The following PRELID2 variants were observed in gnomAD, a reference collection of about 807,000 sequenced individuals.
PRELID2 encodes PRELI domain containing 2.
In PRELID2, 25 loss-of-function variants were observed where a neutral mutation model predicts 28.4. That is an observed-to-expected ratio of 0.88 (90% CI 0.64 to 1.23). The LOEUF is 1.23. Ranked by LOEUF, PRELID2 falls within the 50% of genes most tolerant of loss-of-function variation. PRELID2 has a pLI of 0.00. For missense variants in PRELID2, 201 were observed against 214.4 expected (o/e 0.94, Z 0.39); for synonymous variants, 76 against 71.6 (o/e 1.06, Z -0.31).
chr5:145,280,522 G>A, the PRELID2 span, among the ~76,000 whole-genome samples: 1 of 151,962 alleles, frequency 6.6e-6, no homozygotes, highest in African/African-American at 2.4e-5. Flanking sequence ...TGAAATGTTT[G>A]GATAGCTTTA....
chr5:145,658,105 T>G (rs1380474442), intron 1 of PRELID2, among the ~76,000 whole-genome samples: 1 of 152,190 alleles, frequency 6.6e-6, no homozygotes, highest in Non-Finnish European at 1.5e-5. Flanking sequence ...GCTACAATAG[T>G]GAACAAGACA....
the PRELID2 span, among the ~76,000 whole-genome samples, chr5:145,331,652 C>G: frequency 1.3e-5 from 2 of 151,632 alleles, no homozygotes; most frequent in East Asian, 1.9e-4. Flanking sequence ...TTTTTTTGAG[C>G]CTATGTGTGT....
At chr5:145,247,326 C>G in the PRELID2 span, among the ~76,000 whole-genome samples, 1 of 152,012 alleles carries the variant, frequency 6.6e-6, no homozygotes, top group Non-Finnish European at 1.5e-5. Context: ...AAACTCCGGT[C>G]TCCCACACAG....
At chr5:145,537,554 T>C (rs77444835) in intron 1 of PRELID2, among the ~76,000 whole-genome samples, 2,368 of 152,052 alleles carry the variant, frequency 0.016, 62 homozygotes, top group African/African-American at 0.048. Context: ...CTGACTTACA[T>C]TTCCCTGATG....
chr5:145,825,673 A>G (rs548567215), intron 1 of PRELID2, among the ~76,000 whole-genome samples: 1 of 152,330 alleles, frequency 6.6e-6, no homozygotes, highest in South Asian at 2.1e-4. Flanking sequence ...AAATTCTTAA[A>G]CATTATAAAC....
intron 1 of PRELID2, among the ~76,000 whole-genome samples, chr5:145,585,839 C>A (rs980099349): frequency 6.6e-6 from 1 of 152,018 alleles, no homozygotes; most frequent in African/African-American, 2.4e-5. Flanking sequence ...GCCAGAGATA[C>A]CGAAAAGCCT....
At chr5:145,341,912 C>T in the PRELID2 span, among the ~76,000 whole-genome samples, 2 of 152,042 alleles carry the variant, frequency 1.3e-5, no homozygotes, top group African/African-American at 2.4e-5. Context: ...CTCAGCAATC[C>T]CCATGCAGAT....
chr5:145,524,230 C>G (rs1294176779), intron 1 of PRELID2, among the ~76,000 whole-genome samples: 2 of 152,198 alleles, frequency 1.3e-5, no homozygotes, highest in East Asian at 3.9e-4. Context: ...GTGGCATTCA[C>G]AGGAATGGGT....
chr5:145,541,183 C>A (rs755600567), intron 1 of PRELID2, among the ~76,000 whole-genome samples: 1 of 151,900 alleles, frequency 6.6e-6, no homozygotes, highest in African/African-American at 2.4e-5. Context: ...TAGATTTCTA[C>A]GTTTTGACAG....
In PRELID2 at chr5:145,740,636, TA is replaced by T. The variant is rs541312243; in HGVS notation, n.70+24294del. 7.3e-3 allele frequency among the ~76,000 whole-genome samples: 677 copies of T among 92,718 alleles called. 9 individuals are homozygous for T. The highest frequency in any genetic ancestry group is 0.031 in the African/African-American group (629 of 20,090). 60.8% of individuals were successfully genotyped at this position (92,718 alleles called of 152,430 possible). A position where few individuals can be genotyped will look rare whatever the true frequency, so the allele number is the denominator to read the frequency against. ...TATAAATATATATATATTATATATA[TA>T]AATATATATATTTTATATATAAATA... On this transcript the variant is annotated intron_variant and non_coding_transcript_variant, in intron 1 of 2. Transcript: ENST00000510259.
chr5:145,272,346 C>G, the PRELID2 span, among the ~76,000 whole-genome samples: 8 of 152,172 alleles, frequency 5.3e-5, no homozygotes, highest in African/African-American at 1.7e-4. Context: ...CAAATATAAC[C>G]ATATGATAAG....
intron 5 of PRELID2, among the ~76,000 whole-genome samples, chr5:145,774,033 GTTTCC>G (rs1472469601): frequency 6.6e-6 from 1 of 152,162 alleles, no homozygotes; most frequent in Non-Finnish European, 1.5e-5. Context: ...CAAGTCAGGT[GTTTCC>G]TTTCAACAAA....
chr5:145,408,559 TAAC>T, the PRELID2 span, among the ~76,000 whole-genome samples: 2 of 150,174 alleles, frequency 1.3e-5, no homozygotes, highest in Non-Finnish European at 3.0e-5. Flanking sequence ...TGGAACTAAA[TAAC>T]AACTTAGAGA....
chr5:145,544,776 TA>T (rs1002083810), intron 1 of PRELID2, among the ~76,000 whole-genome samples: 11 of 152,296 alleles, frequency 7.2e-5, no homozygotes, highest in African/African-American at 2.6e-4. Flanking sequence ...TTAGAATTTT[TA>T]TCAAATCTTC....
At chr5:145,405,655 G>C in the PRELID2 span, among the ~76,000 whole-genome samples, 4 of 149,978 alleles carry the variant, frequency 2.7e-5, no homozygotes, top group African/African-American at 9.8e-5. Flanking sequence ...ATGTCACAAG[G>C]TGAAAGCACA....
intron 1 of PRELID2, among the ~76,000 whole-genome samples, chr5:145,590,228 G>A (rs1245266716): frequency 6.6e-6 from 1 of 152,040 alleles, no homozygotes; most frequent in Non-Finnish European, 1.5e-5. Context: ...CCAGATTATT[G>A]GATGGTTCCT....
chr5:145,648,627 G>GT (rs1022982520), intron 1 of PRELID2, among the ~76,000 whole-genome samples: 2 of 148,050 alleles, frequency 1.4e-5, no homozygotes, highest in African/African-American at 2.6e-5. Flanking sequence ...AGTTTAGGCG[G>GT]TTTTTTTGTA....
the PRELID2 span, among the ~76,000 whole-genome samples, chr5:145,434,332 TG>T: frequency 2.6e-5 from 4 of 152,196 alleles, no homozygotes. Context: ...GAGTATTCAT[TG>T]AACAGAACAC....
intron 1 of PRELID2, among the ~76,000 whole-genome samples, chr5:145,511,450 A>C (rs1305288188): frequency 6.6e-6 from 1 of 152,244 alleles, no homozygotes; most frequent in Non-Finnish European, 1.5e-5. Context: ...CGTGACTGAA[A>C]AGCTAATGTA....
Sources: gnomAD v4.1 joint callset for allele counts (sites outside exome capture counted in the v4.1 genomes callset) on GRCh38, gnomAD v4.1.1 for gene constraint, MANE v1.5 for transcripts, NCBI Gene and HGNC (gene_info 2026-07-23, HGNC 2026-07-21) for gene names.